NAALADL2: variants seen among roughly 807,000 people sequenced by gnomAD.
NAALADL2 encodes the protein inactive N-acetylated-alpha-linked acidic dipeptidase-like protein 2.
A neutral mutation model predicts 87.2 loss-of-function variants in NAALADL2; 76 were observed. The observed-to-expected ratio is 0.87, with a 90% confidence interval of 0.72 to 1.05. NAALADL2 has a LOEUF of 1.05. NAALADL2 is among the 50% of genes least tolerant of loss of function. The probability of loss-of-function intolerance (pLI) is 0.00; values close to 1 mark genes in which losing one functional copy is unlikely to be tolerated. For synonymous variants in NAALADL2, 354 were observed against 331.0 expected (o/e 1.07, Z -0.75); for missense variants, 1,089 against 945.8 (o/e 1.15, Z -1.99).
chr3:175,039,609 C>A (rs942020778), intron 1 of NAALADL2, among the ~76,000 whole-genome samples: 1 of 152,048 alleles, frequency 6.6e-6, no homozygotes. Flanking sequence ...ATATGCTGTT[C>A]TATTTCGTAT....
At chr3:175,059,041 G>A (rs1226917767) in intron 1 of NAALADL2, among the ~76,000 whole-genome samples, 1 of 152,164 alleles carries the variant, frequency 6.6e-6, no homozygotes, top group African/African-American at 2.4e-5. Context: ...TTCTGGTGGT[G>A]TATTGAAAAT....
chr3:175,080,015 G>C (rs147264037), intron 1 of NAALADL2, among the ~76,000 whole-genome samples: 1 of 151,144 alleles, frequency 6.6e-6, no homozygotes, highest in Non-Finnish European at 1.5e-5. Flanking sequence ...ACCCAGGCTA[G>C]AGTGCAGTGG....
chr3:174,627,967 G>A (rs139693839), intron 2 of NAALADL2, among the ~76,000 whole-genome samples: 1 of 152,194 alleles, frequency 6.6e-6, no homozygotes, highest in African/African-American at 2.4e-5. Flanking sequence ...AGTGAGGGAT[G>A]TAATACTATG....
At chr3:175,507,136 A>C (rs1730448800) in intron 9 of NAALADL2, among the ~76,000 whole-genome samples, 1 of 151,392 alleles carries the variant, frequency 6.6e-6, no homozygotes, top group East Asian at 1.9e-4. Context: ...ACAAAAGGCT[A>C]ATAAACCTTT....
chr3:175,639,759 C>G (rs1729047304), intron 11 of NAALADL2, among the ~76,000 whole-genome samples: 2 of 151,960 alleles, frequency 1.3e-5, no homozygotes, highest in African/African-American at 4.8e-5. Context: ...GTTTAAAATC[C>G]TGAATAGGAA....
chr3:174,747,755 T>C (rs1017231076), intron 3 of NAALADL2, among the ~76,000 whole-genome samples: 19 of 151,944 alleles, frequency 1.3e-4, no homozygotes, highest in African/African-American at 3.6e-4. Flanking sequence ...ACTGTGGTGA[T>C]TCCTCAAAGA....
intron 2 of NAALADL2, among the ~76,000 whole-genome samples, chr3:174,587,294 A>G (rs1025944760): frequency 6.6e-6 from 1 of 152,194 alleles, no homozygotes; most frequent in Non-Finnish European, 1.5e-5. Context: ...CAATAAACAT[A>G]CATGTGCACA....
At chr3:175,207,214 G>A (rs1741074391) in intron 2 of NAALADL2, among the ~76,000 whole-genome samples, 1 of 151,920 alleles carries the variant, frequency 6.6e-6, no homozygotes. Context: ...AGTATTTAAA[G>A]CAGACTAGGT....
chr3:175,376,047 T>C (rs1581641626), intron 5 of NAALADL2, among the ~76,000 whole-genome samples: 1 of 152,142 alleles, frequency 6.6e-6, no homozygotes, highest in Admixed American at 6.5e-5. Flanking sequence ...CTTTCATTTT[T>C]CTCTCCCATA....
intron 1 of NAALADL2, among the ~76,000 whole-genome samples, chr3:174,918,364 A>C (rs934522030): frequency 5.9e-5 from 9 of 152,176 alleles, no homozygotes; most frequent in African/African-American, 2.2e-4. Context: ...TGAAGACTCT[A>C]ACTTTTTCTG....
chr3:174,994,720 G>T (rs1747197475), intron 1 of NAALADL2, among the ~76,000 whole-genome samples: 1 of 152,100 alleles, frequency 6.6e-6, no homozygotes. Flanking sequence ...CTATAAAGAA[G>T]AAAATCTGTG....
intron 2 of NAALADL2, among the ~76,000 whole-genome samples, chr3:174,639,618 A>C (rs928900389): frequency 2.6e-5 from 4 of 152,162 alleles, no homozygotes; most frequent in African/African-American, 9.7e-5. Context: ...GGCTTTTTAA[A>C]ACCCTGATTC....
intron 3 of NAALADL2, among the ~76,000 whole-genome samples, chr3:175,240,686 G>A (rs991113805): frequency 4.6e-5 from 7 of 152,084 alleles, no homozygotes; most frequent in African/African-American, 7.2e-5. Context: ...ATGGAGTTTC[G>A]CTCTTGTTGC....
At chr3:175,444,580 C>T (rs556106076) in intron 5 of NAALADL2, among the ~76,000 whole-genome samples, 85 of 152,288 alleles carry the variant, frequency 5.6e-4, no homozygotes, top group Middle Eastern at 3.4e-3. Flanking sequence ...GTCCCCTCTC[C>T]AAAGGGCCCC....
intron 2 of NAALADL2, among the ~76,000 whole-genome samples, chr3:174,609,420 G>C (rs1189652741): frequency 6.6e-6 from 1 of 152,000 alleles, no homozygotes. Context: ...AAACCCCATT[G>C]TCTCAGCCCA....
chr3:175,518,356 A>G (rs573245995), intron 9 of NAALADL2, among the ~76,000 whole-genome samples: 14 of 152,210 alleles, frequency 9.2e-5, no homozygotes, highest in African/African-American at 2.9e-4. Context: ...CCTAAGACCC[A>G]TAAGGCAGAT....
At chr3:174,755,599 A>G (rs1044984028) in intron 3 of NAALADL2, among the ~76,000 whole-genome samples, 1 of 152,192 alleles carries the variant, frequency 6.6e-6, no homozygotes, top group Non-Finnish European at 1.5e-5. Flanking sequence ...CATATTGCCA[A>G]AGAACTTCAT....
At chr3:174,649,277 A>G (rs566792266) in intron 2 of NAALADL2, among the ~76,000 whole-genome samples, 1 of 152,208 alleles carries the variant, frequency 6.6e-6, no homozygotes, top group South Asian at 2.1e-4. Flanking sequence ...ACCTGTTTTA[A>G]CTCATTGTAT....
intron 2 of NAALADL2, among the ~76,000 whole-genome samples, chr3:175,122,227 C>T (rs1275212252): frequency 1.6e-4 from 25 of 151,808 alleles, no homozygotes. Context: ...ATTCTGCATA[C>T]TGGTTGATTG....
Sources: allele counts gnomAD v4.1 joint callset (sites outside exome capture counted in the v4.1 genomes callset), GRCh38; gene constraint gnomAD v4.1.1; transcripts MANE v1.5; gene names NCBI Gene and HGNC (gene_info 2026-07-23, HGNC 2026-07-21).